Variants in TSNARE1 observed in about 807,000 individuals in gnomAD.
The protein encoded by TSNARE1 is t-SNARE domain-containing protein 1.
Under a neutral mutation model 62.0 loss-of-function variants are expected in TSNARE1, and 49 were observed. That is an observed-to-expected ratio of 0.79 (90% CI 0.63 to 1.00). The LOEUF (loss-of-function observed/expected upper bound fraction) is 1.00, where lower values mean the gene tolerates loss of function less well. Among genes scored for constraint, TSNARE1 ranks in the 50% least tolerant of loss-of-function variants. The probability of loss-of-function intolerance (pLI) is 0.00; values close to 1 mark genes in which losing one functional copy is unlikely to be tolerated. For synonymous variants in TSNARE1, 328 were observed against 294.4 expected, an observed-to-expected ratio of 1.11 and a Z score of -1.17; for missense variants, 755 against 700.1, an observed-to-expected ratio of 1.08 and a Z score of -0.88.
intron 10 of TSNARE1, among the ~76,000 whole-genome samples, chr8:142,289,667 C>T (rs1313609709): frequency 1.3e-5 from 2 of 152,204 alleles, no homozygotes; most frequent in African/African-American, 4.8e-5. Context: ...ACCAGGCAGC[C>T]CCAAGCCCTC....
At chr8:142,244,290 A>G (rs920042689) in intron 12 of TSNARE1, among the ~76,000 whole-genome samples, 2 of 152,240 alleles carry the variant, frequency 1.3e-5, no homozygotes, top group African/African-American at 4.8e-5. Flanking sequence ...GGCTGACTAT[A>G]CACTCAATTT....
intron 13 of TSNARE1, among the ~76,000 whole-genome samples, chr8:142,227,054 GCCCCCCACTGC>G (rs1816834369): frequency 7.1e-6 from 1 of 141,606 alleles, no homozygotes; most frequent in Non-Finnish European, 1.5e-5. Flanking sequence ...TGACAGCCAG[GCCCCCCACTGC>G]ACCCACACAG....
At chr8:142,350,726 T>C (rs1243715236) in intron 2 of TSNARE1, among the ~76,000 whole-genome samples, 2 of 152,012 alleles carry the variant, frequency 1.3e-5, no homozygotes, top group South Asian at 4.2e-4. Context: ...GACAAATAAT[T>C]ACAATAAAAA....
At chr8:142,347,619 G>T (rs1833544242) in intron 2 of TSNARE1, among the ~76,000 whole-genome samples, 2 of 152,136 alleles carry the variant, frequency 1.3e-5, no homozygotes, top group African/African-American at 4.8e-5. Context: ...GAGACCACAG[G>T]CCCTGCTGTC....
intron 1 of TSNARE1, among the ~76,000 whole-genome samples, chr8:142,366,511 T>C (rs1017028127): frequency 7.9e-5 from 12 of 152,216 alleles, no homozygotes; most frequent in African/African-American, 2.9e-4. Flanking sequence ...ACCAGTGCAC[T>C]ACACCATATT....
chr8:142,316,248 C>G (rs1040968034), intron 7 of TSNARE1, among the ~76,000 whole-genome samples: 7 of 151,802 alleles, frequency 4.6e-5, no homozygotes, highest in Non-Finnish European at 1.0e-4. Flanking sequence ...ACGCTGCTGA[C>G]ATCACTGCCC....
chr8:142,318,460 G>T, intron 7 of TSNARE1, 84 bp downstream of exon 7: 1 of 1,368,034 alleles, frequency 7.3e-7, no homozygotes, highest in Non-Finnish European at 1.0e-6. Flanking sequence ...CCTGTATCCT[G>T]CCTCGTGTGA....
intron 9 of TSNARE1, among the ~76,000 whole-genome samples, chr8:142,302,809 G>A (rs957601612): frequency 1.3e-5 from 2 of 152,114 alleles, no homozygotes; most frequent in African/African-American, 4.8e-5. Flanking sequence ...GCTAGACCTG[G>A]GGTGCAGGCA....
intron 13 of TSNARE1, among the ~76,000 whole-genome samples, chr8:142,217,719 C>T (rs1401077059): frequency 3.3e-5 from 5 of 152,214 alleles, no homozygotes; most frequent in African/African-American, 1.2e-4. Flanking sequence ...AAGGTCAGGG[C>T]TCAAAATGTA....
intron 1 of TSNARE1, among the ~76,000 whole-genome samples, chr8:142,384,120 G>C (rs77544976): frequency 6.6e-6 from 1 of 152,120 alleles, no homozygotes. Flanking sequence ...AAGGGCTGGC[G>C]TCAGGAGCCT....
intron 8 of TSNARE1, 27 bp downstream of exon 8, chr8:142,314,976 C>A (rs112600476): frequency 1.7e-5 from 28 of 1,611,014 alleles, no homozygotes; most frequent in Non-Finnish European, 2.2e-5. Context: ...GGCCTGCAGA[C>A]CCCCACTGCC....
chr8:142,290,436 CTT>C (rs1415772958), intron 10 of TSNARE1, among the ~76,000 whole-genome samples: 1 of 152,244 alleles, frequency 6.6e-6, no homozygotes, highest in Admixed American at 6.5e-5. Flanking sequence ...ATGGAATTTT[CTT>C]TCTCTTCTTT....
chr8:142,265,124 T>TGTGTGTGTG (rs146960980), intron 12 of TSNARE1, among the ~76,000 whole-genome samples: 17 of 151,208 alleles, frequency 1.1e-4, no homozygotes, highest in Non-Finnish European at 2.1e-4. Context: ...TCTACTCAGT[T>TGTGTGTGTG]TGTGTGTGTG....
intron 4 of TSNARE1, among the ~76,000 whole-genome samples, chr8:142,342,757 A>G (rs1404670383): frequency 6.8e-6 from 1 of 147,246 alleles, no homozygotes; most frequent in Non-Finnish European, 1.5e-5. Context: ...CAACTGTCCC[A>G]GCACCTGTCT....
intron 4 of TSNARE1, among the ~76,000 whole-genome samples, chr8:142,341,403 A>C (rs950650398): frequency 1.3e-5 from 2 of 152,224 alleles, no homozygotes; most frequent in African/African-American, 4.8e-5. Flanking sequence ...GAGAGGAGTA[A>C]AGCGCAGGCA....
chr8:142,232,834 C>A (rs1327255969), intron 12 of TSNARE1, among the ~76,000 whole-genome samples: 1 of 152,250 alleles, frequency 6.6e-6, no homozygotes, highest in African/African-American at 2.4e-5. Context: ...GAAGAGGGCT[C>A]TGCAGCCCCA....
chr8:142,286,885 C>T (rs576407488), intron 10 of TSNARE1, among the ~76,000 whole-genome samples: 36 of 152,336 alleles, frequency 2.4e-4, no homozygotes, highest in African/African-American at 7.7e-4. Context: ...CAGGGACTTG[C>T]AGGGGCCTTC....
chr8:142,338,717 C>A (rs992401784), intron 4 of TSNARE1, among the ~76,000 whole-genome samples: 8 of 152,226 alleles, frequency 5.3e-5, no homozygotes, highest in Non-Finnish European at 8.8e-5. Context: ...GGCTCAGGTT[C>A]AGGCAGGAAA....
At chr8:142,366,612 A>T (rs1037285520) in intron 1 of TSNARE1, among the ~76,000 whole-genome samples, 2 of 152,200 alleles carry the variant, frequency 1.3e-5, no homozygotes, top group Non-Finnish European at 2.9e-5. Context: ...TCCTGATGAA[A>T]ACACAAGAAG....
Sources: gnomAD v4.1 joint callset for allele counts (sites outside exome capture counted in the v4.1 genomes callset) on GRCh38, gnomAD v4.1.1 for gene constraint, MANE v1.5 for transcripts, NCBI Gene and HGNC (gene_info 2026-07-23, HGNC 2026-07-21) for gene names.